ASIC2: variants seen among roughly 807,000 people sequenced by gnomAD.
The protein encoded by ASIC2 is acid sensing ion channel subunit 2.
Under a neutral mutation model 57.3 loss-of-function variants are expected in ASIC2, and 25 were observed. The observed-to-expected ratio is 0.44, with a 90% CI of 0.32 to 0.61. ASIC2 has a LOEUF of 0.61. ASIC2 is among the 20% of genes least tolerant of loss of function. The pLI is 0.06. For synonymous variants in ASIC2, 319 were observed against 307.5 expected, an observed-to-expected ratio of 1.04 and a Z score of -0.39; for missense variants, 641 against 738.1, an observed-to-expected ratio of 0.87 and a Z score of 1.52.
chr17:33,616,607 T>C (rs1376396754), intron 1 of ASIC2, among the ~76,000 whole-genome samples: 1 of 152,216 alleles, frequency 6.6e-6, no homozygotes, highest in Non-Finnish European at 1.5e-5. Context: ...TAGTTTCAGT[T>C]AATAACTGGA....
At chr17:34,033,348 G>A (rs1416400110) in intron 1 of ASIC2, among the ~76,000 whole-genome samples, 5 of 152,008 alleles carry the variant, frequency 3.3e-5, no homozygotes, top group African/African-American at 9.7e-5. Context: ...CAGAATCTCT[G>A]GGACACATTC....
At chr17:33,371,517 C>T (rs1377300953) in intron 1 of ASIC2, among the ~76,000 whole-genome samples, 1 of 152,212 alleles carries the variant, frequency 6.6e-6, no homozygotes, top group Non-Finnish European at 1.5e-5. Flanking sequence ...ACCTTCCTTT[C>T]CTCCTTGAGG....
intron 1 of ASIC2, among the ~76,000 whole-genome samples, chr17:33,124,411 A>G (rs2092315488): frequency 6.6e-6 from 1 of 152,196 alleles, no homozygotes; most frequent in South Asian, 2.1e-4. Flanking sequence ...TCTGTAACAG[A>G]CATAATTGAT....
intron 1 of ASIC2, among the ~76,000 whole-genome samples, chr17:33,189,383 A>G (rs1796024012): frequency 6.6e-6 from 1 of 152,204 alleles, no homozygotes; most frequent in African/African-American, 2.4e-5. Flanking sequence ...ATTAATCTGA[A>G]AGAAGGCAGG....
chr17:33,557,543 C>T (rs1915944168), intron 1 of ASIC2, among the ~76,000 whole-genome samples: 1 of 152,066 alleles, frequency 6.6e-6, no homozygotes, highest in Non-Finnish European at 1.5e-5. Context: ...TATGGGAATA[C>T]TAAAGAGGAA....
chr17:34,036,670 C>G (rs1476940756), intron 1 of ASIC2: 1 of 127,522 alleles, frequency 7.8e-6, no homozygotes, highest in Non-Finnish European at 1.6e-5. Context: ...TATATTGATA[C>G]TTTGAATTTG....
At chr17:34,099,770 G>C (rs1241133176) in intron 1 of ASIC2, among the ~76,000 whole-genome samples, 1 of 36,394 alleles carries the variant, frequency 2.7e-5, no homozygotes, top group South Asian at 1.1e-3. Context: ...AAGAAAGAAA[G>C]AAAGAAAGAA....
intron 1 of ASIC2, among the ~76,000 whole-genome samples, chr17:33,614,193 A>T (rs982923871): frequency 2.0e-5 from 3 of 152,194 alleles, no homozygotes; most frequent in African/African-American, 7.2e-5. Flanking sequence ...TGTCCTTATT[A>T]TTATCCACTA....
chr17:33,967,707 C>T (rs1905114051), intron 1 of ASIC2, among the ~76,000 whole-genome samples: 1 of 152,298 alleles, frequency 6.6e-6, no homozygotes, highest in East Asian at 1.9e-4. Context: ...ACACTGCTCT[C>T]GACAGTATAT....
At chr17:34,130,785 A>T (rs577669458) in intron 1 of ASIC2, among the ~76,000 whole-genome samples, 133 of 152,334 alleles carry the variant, frequency 8.7e-4, no homozygotes, top group African/African-American at 3.0e-3. Flanking sequence ...CCTAGAAGAG[A>T]GCAGATGCTC....
chr17:33,584,593 T>C (rs1305888928), intron 1 of ASIC2, among the ~76,000 whole-genome samples: 3 of 152,032 alleles, frequency 2.0e-5, no homozygotes, highest in Non-Finnish European at 4.4e-5. Context: ...AGGCAGATGT[T>C]GTACCTGGAG....
intron 1 of ASIC2, among the ~76,000 whole-genome samples, chr17:33,458,300 G>T (rs374033713): frequency 6.6e-6 from 1 of 152,188 alleles, no homozygotes. Flanking sequence ...ATCATTGGAG[G>T]ATGAACTTGT....
intron 1 of ASIC2, among the ~76,000 whole-genome samples, chr17:33,478,395 C>T (rs1421697051): frequency 6.6e-6 from 1 of 152,252 alleles, no homozygotes; most frequent in Non-Finnish European, 1.5e-5. Flanking sequence ...TTCTTGGTCT[C>T]CGTAAATAGC....
chr17:33,402,407 C>G (rs1037171322), intron 1 of ASIC2, among the ~76,000 whole-genome samples: 3 of 152,160 alleles, frequency 2.0e-5, no homozygotes, highest in African/African-American at 4.8e-5. Context: ...TTAAGCCCAG[C>G]ATCCATTAGC....
intron 1 of ASIC2, among the ~76,000 whole-genome samples, chr17:33,577,427 C>T (rs565264002): frequency 1.6e-4 from 24 of 152,134 alleles, no homozygotes; most frequent in Non-Finnish European, 2.8e-4. Context: ...GCAGGGCAGC[C>T]TGACATGGGA....
chr17:33,576,821 T>C (rs1484131584), intron 1 of ASIC2, among the ~76,000 whole-genome samples: 3 of 152,180 alleles, frequency 2.0e-5, no homozygotes, highest in Admixed American at 1.3e-4. Context: ...ACCAGGATCA[T>C]ACCGATTCCA....
intron 1 of ASIC2, among the ~76,000 whole-genome samples, chr17:33,576,450 G>GT (rs1916625191): frequency 6.6e-6 from 1 of 152,152 alleles, no homozygotes; most frequent in Non-Finnish European, 1.5e-5. Context: ...CCTGGCCAAG[G>GT]TCTGCATCTT....
chr17:34,006,436 T>C (rs1038017516), intron 1 of ASIC2: 2 of 152,276 alleles, frequency 1.3e-5, no homozygotes, highest in East Asian at 3.9e-4. Flanking sequence ...TAGGAAGGTG[T>C]TGACTTGTTT....
At chr17:33,608,477 T>G (rs1165940538) in intron 1 of ASIC2, among the ~76,000 whole-genome samples, 3 of 152,170 alleles carry the variant, frequency 2.0e-5, no homozygotes, top group African/African-American at 7.2e-5. Context: ...GATTTTTAAC[T>G]GGGTGAACTC....
Sources: allele counts gnomAD v4.1 joint callset (sites outside exome capture counted in the v4.1 genomes callset), GRCh38; gene constraint gnomAD v4.1.1; transcripts MANE v1.5; gene names NCBI Gene and HGNC (gene_info 2026-07-23, HGNC 2026-07-21).